NUP54: variants seen among roughly 807,000 people sequenced by gnomAD.
NUP54 encodes the protein nucleoporin p54.
A neutral mutation model predicts 66.4 loss-of-function variants in NUP54; 27 were observed. The ratio of observed to expected loss-of-function variants is 0.41; its 90% confidence interval spans 0.30 to 0.56. The LOEUF (loss-of-function observed/expected upper bound fraction) is 0.56, where lower values mean the gene tolerates loss of function less well. NUP54 is among the 20% of genes least tolerant of loss of function. NUP54 has a pLI of 0.34. For missense variants in NUP54, 486 were observed against 596.3 expected, an observed-to-expected ratio of 0.82 and a Z score of 1.93; for synonymous variants, 206 against 210.7, an observed-to-expected ratio of 0.98 and a Z score of 0.19.
chr4:76,147,830 A>C, intron 1 of NUP54: 6 of 362,672 alleles, frequency 1.7e-5, no homozygotes, highest in Non-Finnish European at 3.1e-5. Context: ...ATGACGGATA[A>C]ACCCCACAGC....
intron 8 of NUP54, among the ~76,000 whole-genome samples, chr4:76,130,304 CAAT>C (rs1240051098): frequency 6.6e-5 from 10 of 151,964 alleles, no homozygotes; most frequent in Admixed American, 1.3e-4. Context: ...TATCAACATA[CAAT>C]AATATACCAA....
At chr4:76,117,547 A>C in intron 11 of NUP54, 117 bp downstream of exon 11, 2 of 660,270 alleles carry the variant, frequency 3.0e-6, no homozygotes, top group Non-Finnish European at 5.3e-6. Flanking sequence ...CAGTGCAAGA[A>C]AGTTCCAATT....
chr4:76,131,675 G>GA (rs59420212), intron 6 of NUP54, among the ~76,000 whole-genome samples: 69 of 152,004 alleles, frequency 4.5e-4, no homozygotes, highest in African/African-American at 1.3e-3. Flanking sequence ...TCAGTGGCCA[G>GA]AAAAAATAAC....
chr4:76,144,278 T>C lies in NUP54; in HGVS notation c.166A>G (p.Thr56Ala). 6.2e-7 allele frequency: 1 copy of C among 1,613,070 alleles called. No homozygotes were observed. The highest frequency in any genetic ancestry group is 1.1e-5 in the South Asian group (1 of 90,858). Residue 56 changes from threonine to alanine, a missense_variant, in exon 3 of 12, where the codon ACT (threonine) becomes GCT (alanine). Transcript: ENST00000264883. The stretch of plus-strand genomic sequence containing the variant: ...CCAAATCCAAAACCTTTGTTCTGAG[T>C]ACCACCAAAGAGTCCTTTGAATGAA... Reference protein sequence around the residue: ...NTGTTGLFGGTQNKGFGFGTG... With the variant: ...NTGTTGLFGGAQNKGFGFGTG...
intron 4 of NUP54, among the ~76,000 whole-genome samples, chr4:76,135,578 A>G (rs62300611): frequency 0.13 from 20,028 of 152,234 alleles, 1,551 homozygotes; most frequent in East Asian, 0.35. Context: ...GGTTATGTAC[A>G]TATTGATTAG....
chr4:76,137,830 T>C (rs74617719), intron 3 of NUP54, among the ~76,000 whole-genome samples: 6,486 of 152,296 alleles, frequency 0.043, 347 homozygotes, highest in East Asian at 0.31. Context: ...TTGTACTTAA[T>C]TTCAATTACC....
chr4:76,133,017 A>G (rs78952310), intron 5 of NUP54, among the ~76,000 whole-genome samples: 16 of 113,594 alleles, frequency 1.4e-4, no homozygotes, highest in South Asian at 2.7e-4. Flanking sequence ...TTTAGCTTAC[A>G]TGTATGTGTG....
chr4:76,118,876 A>AGCGGG (rs1560673748), intron 9 of NUP54, among the ~76,000 whole-genome samples: 3 of 151,860 alleles, frequency 2.0e-5, no homozygotes, highest in Non-Finnish European at 4.4e-5. Flanking sequence ...TTGATGGTGC[A>AGCGGG]CGCCTGTAGT....
intron 3 of NUP54, among the ~76,000 whole-genome samples, chr4:76,142,095 T>G (rs889532496): frequency 6.6e-6 from 1 of 152,184 alleles, no homozygotes; most frequent in African/African-American, 2.4e-5. Flanking sequence ...CCTTTCAATT[T>G]TAAAATAGCA....
At position 76,136,242 on chromosome 4, in the gene NUP54, T is replaced by G. The variant is rs776493268; in HGVS notation, c.466A>C (p.Asn156His). ...AFWGTGKGYF[N>H]NNIPPVEFTQ... is the part of the protein sequence containing the mutation. ...AATTCCACTGGCGGAATATTATTGT[T>G]GAAATACCCTTTTCCTGTTCCCCAA... is the stretch of plus-strand genomic sequence containing the variant. Residue 156 changes from asparagine to histidine, a missense_variant, in exon 4 of 12, where the codon AAC (asparagine) becomes CAC (histidine). By Grantham distance (68) the Asn-to-His change is moderately conservative. Transcript: ENST00000264883. 11 of 1,614,158 alleles carry G rather than the reference T, an allele frequency of 6.8e-6. No homozygotes were observed. In the South Asian group the frequency reaches 1.1e-4, roughly 16 times the overall value.
chr4:76,119,064 A>G (rs1730108166), intron 9 of NUP54, among the ~76,000 whole-genome samples: 1 of 152,154 alleles, frequency 6.6e-6, no homozygotes, highest in African/African-American at 2.4e-5. Flanking sequence ...AAAATAGACA[A>G]CATAATACCA....
In NUP54 at chr4:76,117,672, T is replaced by C. The variant is rs779852833; in HGVS notation, c.1387A>G (p.Ile463Val). Residue 463 changes from isoleucine to valine, a missense_variant, in exon 11 of 12, where the codon ATC (isoleucine) becomes GTC (valine). This residue lies in a region of NUP54 where 83 missense variants were observed against 128.6 expected (regional missense o/e 0.65). Transcript: ENST00000264883. ...CCTCATGCAACACTTACCTGCTTGA[T>C]TTCTCGTAACAGATCTGCATCTATG... is the stretch of plus-strand genomic sequence containing the variant. ...YYIDADLLREIKQHLKQQQEG... is the reference protein window; with the variant it reads ...YYIDADLLREVKQHLKQQQEG... 2.5e-6 allele frequency: 4 copies of C among 1,606,790 alleles called. No homozygotes were observed. In the South Asian group the frequency reaches 4.4e-5, roughly 18 times the overall value.
intron 11 of NUP54, among the ~76,000 whole-genome samples, chr4:76,116,668 T>C (rs1729964569): frequency 6.6e-6 from 1 of 152,178 alleles, no homozygotes; most frequent in Non-Finnish European, 1.5e-5. Flanking sequence ...ATGCGACATA[T>C]AGGCAGGGAA....
chr4:76,147,785 C>T lies in NUP54; in HGVS notation c.67+523G>A, dbSNP rs968855264. ...TTTTGCTCCAAACAGTTTAAGAAAG[C>T]AGAGTGGGGGTGGGGTGGGGCAGAT... On this transcript the variant is annotated intron_variant, in intron 1 of 11. Transcript: ENST00000264883. 8.0e-6 allele frequency: 4 copies of T among 497,500 alleles called. 1 individual carries two copies. Among genetic ancestry groups the T allele is most frequent in the Admixed American group, 3.7e-5 (1 of 27,262 alleles). 30.8% of individuals were successfully genotyped at this position (497,500 alleles called of 1,614,324 possible). A position where few individuals can be genotyped will look rare whatever the true frequency, so the allele number is the denominator to read the frequency against.
chr4:76,122,282 G>C (rs1304652501), intron 9 of NUP54, among the ~76,000 whole-genome samples: 1 of 152,122 alleles, frequency 6.6e-6, no homozygotes, highest in Non-Finnish European at 1.5e-5. Flanking sequence ...TCCGATTTGA[G>C]GTATACTCTA....
intron 1 of NUP54, chr4:76,145,843 TATTA>T (rs1731476491): frequency 3.7e-6 from 1 of 271,654 alleles, no homozygotes; most frequent in African/African-American, 2.3e-5. Context: ...AACCATTTTA[TATTA>T]ATCACCTCAT....
chr4:76,124,833 T>C (rs1240492300), intron 8 of NUP54, 77 bp from the exon 9 acceptor site: 1 of 440,522 alleles, frequency 2.3e-6, no homozygotes, highest in African/African-American at 2.2e-5. Flanking sequence ...GTATGGAAAT[T>C]CTAATCTTGG....
Position 76,142,222 on chromosome 4 carries a change from A to G in NUP54, c.295+1927T>C, listed in dbSNP as rs548519670. On this transcript the variant is annotated intron_variant, in intron 3 of 11. Transcript: ENST00000264883. ...ACTTCACTTTTGCTGTTCTTTCCTT[A>G]ACTACTTAAATATTTCATCAAATTT... Among the ~76,000 whole-genome samples the G allele has an allele frequency of 3.4e-4, 52 of 152,350 alleles. 1 individual carries two copies. Among genetic ancestry groups the G allele is most frequent in the African/African-American group, 1.3e-3 (52 of 41,582 alleles).
chr4:76,117,857 A>C lies in NUP54; in HGVS notation c.1285-83T>G, dbSNP rs2109850496. On this transcript the variant is annotated intron_variant, in intron 10 of 11. Coordinates refer to ENST00000264883, the MANE Select transcript of NUP54 (RefSeq NM_017426.4). ...GTTTTCTTCTGAAAGGATGGTTTCA[A>C]AACCATCTATTAAAAATTTCTATTT... 10 of 1,214,434 alleles carry C rather than the reference A, an allele frequency of 8.2e-6. 1 individual carries two copies. In the South Asian group the frequency reaches 1.3e-4, roughly 16 times the overall value. The allele number at this position is 1,214,434 out of a possible 1,614,324, so 75.2% of individuals were successfully genotyped here.
Sources: allele counts gnomAD v4.1 joint callset (sites outside exome capture counted in the v4.1 genomes callset), GRCh38; gene constraint gnomAD v4.1.1; regional missense constraint gnomAD v4.1.1; transcripts MANE v1.5; gene names NCBI Gene and HGNC (gene_info 2026-07-23, HGNC 2026-07-21).